Variants in PCDHGB1 observed in about 807,000 individuals in gnomAD.
The protein encoded by PCDHGB1 is protocadherin gamma-B1.
In PCDHGB1, 34 loss-of-function variants were observed where a neutral mutation model predicts 56.6. The observed-to-expected ratio is 0.60, with a 90% CI of 0.46 to 0.80. PCDHGB1 has a LOEUF of 0.80. Ranked by LOEUF, PCDHGB1 falls within the 30% of genes least tolerant of loss-of-function variation. The probability of loss-of-function intolerance (pLI) is 0.00; values close to 1 mark genes in which losing one functional copy is unlikely to be tolerated. For synonymous variants in PCDHGB1, 561 were observed against 505.9 expected, an observed-to-expected ratio of 1.11 and a Z score of -1.46; for missense variants, 1,278 against 1,204.6, an observed-to-expected ratio of 1.06 and a Z score of -0.90.
At chr5:141,462,651 CA>C (rs60282352) in intron 1 of PCDHGB1, among the ~76,000 whole-genome samples, 42,411 of 152,004 alleles carry the variant, frequency 0.28, 6,634 homozygotes, top group African/African-American at 0.43. Flanking sequence ...TTTCCATCCT[CA>C]ATTATCTTCA....
intron 1 of PCDHGB1, chr5:141,384,753 G>C (rs114533608): frequency 0.027 from 43,359 of 1,614,006 alleles, 841 homozygotes; most frequent in African/African-American, 0.094. Context: ...GACTCTTTGC[G>C]GTTGGGCTGT....
rs538474552 is a variant in PCDHGB1, at chr5:141,415,070, C to T, written c.2409+62401C>T. The T allele has an allele frequency of 2.0e-5, 32 of 1,613,398 alleles. No homozygotes were observed. The African/African-American group carries it at 3.9e-4, about 19-fold the overall frequency. On this transcript the variant is annotated intron_variant, in intron 1 of 3. Transcript: ENST00000523390. Reference sequence around the variant, plus strand: ...GGGGAGCACACGGGCGAGGTGCGCACGGCGCGAGCCCTGCTGGACAGAGAC... The same window carrying T: ...GGGGAGCACACGGGCGAGGTGCGCATGGCGCGAGCCCTGCTGGACAGAGAC...
At chr5:141,436,071 A>G (rs1419598304) in intron 1 of PCDHGB1, among the ~76,000 whole-genome samples, 1 of 152,222 alleles carries the variant, frequency 6.6e-6, no homozygotes. Context: ...TAATAAGTAC[A>G]GTGTTCTATA....
chr5:141,418,153 G>A (rs1561771797), intron 1 of PCDHGB1: 2 of 1,614,086 alleles, frequency 1.2e-6, no homozygotes, highest in East Asian at 2.2e-5. Context: ...TATGCAAAGA[G>A]AGAAGAAGAT....
chr5:141,478,326 C>T, intron 1 of PCDHGB1: 1 of 1,613,950 alleles, frequency 6.2e-7, no homozygotes, highest in Admixed American at 1.7e-5. Flanking sequence ...CTGTACCGAA[C>T]ACCAGGGCCC....
rs758879836 is a variant in PCDHGB1 at position 141,400,006 on chromosome 5, G to A, written c.2409+47337G>A. 3 of 1,612,536 alleles carry A rather than the reference G, an allele frequency of 1.9e-6. No homozygotes were observed. The South Asian group carries it at 3.3e-5, about 18-fold the overall frequency. On this transcript the variant is annotated intron_variant, in intron 1 of 3. Coordinates refer to ENST00000523390, the MANE Select transcript of PCDHGB1 (RefSeq NM_018922.3). ...CACAGGAGAGGTGCGCACAGCGCGT[G>A]CCTTGGGCGACAGGGACGCGGCCCG...
intron 1 of PCDHGB1, among the ~76,000 whole-genome samples, chr5:141,429,377 G>GT (rs566693637): frequency 0.17 from 24,737 of 149,382 alleles, 2,566 homozygotes; most frequent in African/African-American, 0.31. Context: ...GAGAAAATGT[G>GT]TTTTTTTTTT....
At position 141,404,352 on chromosome 5, in the gene PCDHGB1, G is replaced by A. The variant is rs1378093484; in HGVS notation, c.2409+51683G>A. 1.7e-5 allele frequency: 27 copies of A among 1,613,812 alleles called. No individual in the cohort carries two copies. The South Asian group carries it at 2.9e-4, about 17-fold the overall frequency. On this transcript the variant is annotated intron_variant, in intron 1 of 3. Coordinates refer to ENST00000523390, the MANE Select transcript of PCDHGB1 (RefSeq NM_018922.3). ...GTCTACCTCCCGGAAAACAACGCCAGAGGTACTTCCATCTTCTCCGTGATT... is the reference window on the plus strand; with the variant it reads ...GTCTACCTCCCGGAAAACAACGCCAAAGGTACTTCCATCTTCTCCGTGATT...
chr5:141,487,404 C>T lies in PCDHGB1; in HGVS notation c.2410-7403C>T, dbSNP rs771371344. ...AGATCTCGAAGGAGGGAGGGGCTTC[C>T]CCCTTCCAATGGGATCCTCCGAATC... On this transcript the variant is annotated intron_variant, in intron 1 of 3. Transcript: ENST00000523390. The surrounding 1 kb of genome is among the most constrained non-coding windows in gnomAD (Gnocchi z 5.0). 2 of 1,614,178 alleles carry T rather than the reference C, an allele frequency of 1.2e-6. No homozygotes were observed. Among genetic ancestry groups the T allele is most frequent in the Non-Finnish European group, 8.5e-7 (1 of 1,180,032 alleles).
At chr5:141,409,831 C>A (rs1015263434) in intron 1 of PCDHGB1, 1 of 1,611,128 alleles carries the variant, frequency 6.2e-7, no homozygotes, top group African/African-American at 1.3e-5. Flanking sequence ...CCACGCTCAG[C>A]GCCAACGTGA....
In PCDHGB1 at chr5:141,431,414, G is replaced by A. The variant is rs1184197093; in HGVS notation, c.2410-63393G>A. On this transcript the variant is annotated intron_variant, in intron 1 of 3. Coordinates refer to ENST00000523390, the MANE Select transcript of PCDHGB1 (RefSeq NM_018922.3). The surrounding 1 kb of genome is among the most constrained non-coding windows in gnomAD (Gnocchi z 4.8). ...GGTCCTTACGGCCTCCGACGGGGGC[G>A]ACCCGGTGCGCACAGGCACCGCGCG... The A allele has an allele frequency of 6.2e-7, 1 of 1,613,658 alleles. No homozygotes were observed. The highest frequency in any genetic ancestry group is 1.7e-5 in the Admixed American group (1 of 60,026).
At chr5:141,467,185 TG>T (rs1295935271) in intron 1 of PCDHGB1, among the ~76,000 whole-genome samples, 1 of 152,004 alleles carries the variant, frequency 6.6e-6, no homozygotes, top group African/African-American at 2.4e-5. Context: ...CCCAAGTAGC[TG>T]GGATTACAGG....
intron 1 of PCDHGB1, among the ~76,000 whole-genome samples, chr5:141,445,961 G>C (rs944876169): frequency 6.6e-6 from 1 of 152,158 alleles, no homozygotes; most frequent in Non-Finnish European, 1.5e-5. Flanking sequence ...GCTATATGGA[G>C]AATTGATTTA....
chr5:141,414,909 C>T (rs1230113440), intron 1 of PCDHGB1: 10 of 1,614,102 alleles, frequency 6.2e-6, no homozygotes, highest in Admixed American at 1.7e-5. Context: ...GTTCCACAGG[C>T]GTGGAGCTGG....
chr5:141,356,964 G>A, intron 1 of PCDHGB1: 2 of 1,614,246 alleles, frequency 1.2e-6, no homozygotes, highest in Non-Finnish European at 1.7e-6. Context: ...GCTACCTGGT[G>A]ACCAAAGTGG....
chr5:141,375,007 C>T (rs369489853), intron 1 of PCDHGB1: 1 of 1,614,000 alleles, frequency 6.2e-7, no homozygotes, highest in African/African-American at 1.3e-5. Context: ...CAAATCTAGA[C>T]TATGAGGACT....
intron 1 of PCDHGB1, among the ~76,000 whole-genome samples, chr5:141,438,771 C>T (rs1056879944): frequency 1.3e-5 from 2 of 149,126 alleles, no homozygotes; most frequent in Non-Finnish European, 3.0e-5. Flanking sequence ...AAGCGATTCT[C>T]CTGCCTCAGC....
chr5:141,436,638 A>G (rs2097838155), intron 1 of PCDHGB1, among the ~76,000 whole-genome samples: 1 of 152,194 alleles, frequency 6.6e-6, no homozygotes, highest in Non-Finnish European at 1.5e-5. Flanking sequence ...ACATGCAATT[A>G]ATTAACAGTA....
intron 1 of PCDHGB1, chr5:141,394,606 C>T (rs747606142): frequency 3.1e-6 from 5 of 1,613,486 alleles, no homozygotes; most frequent in Admixed American, 1.7e-5. Context: ...GACAGAGACT[C>T]GGGCCAGAAC....
Sources: allele counts gnomAD v4.1 joint callset (sites outside exome capture counted in the v4.1 genomes callset), GRCh38; gene constraint gnomAD v4.1.1; non-coding constraint Gnocchi (gnomAD v3.1); transcripts MANE v1.5; gene names NCBI Gene and HGNC (gene_info 2026-07-23, HGNC 2026-07-21).